BTBD9: variants seen among roughly 807,000 people sequenced by gnomAD.
BTBD9 encodes BTB/POZ domain-containing protein 9.
BTBD9 carries 49 observed loss-of-function variants against 64.3 expected under a neutral mutation model. That is an observed-to-expected ratio of 0.76 (90% confidence interval 0.61 to 0.97). BTBD9 has a LOEUF of 0.97. Ranked by LOEUF, BTBD9 falls within the 50% of genes least tolerant of loss-of-function variation. BTBD9 has a pLI of 0.00. For missense variants in BTBD9, 598 were observed against 762.1 expected (o/e 0.78, Z 2.53); for synonymous variants, 260 against 274.7 (o/e 0.95, Z 0.53).
At chr6:38,581,207 C>G (rs557016767) in intron 4 of BTBD9, among the ~76,000 whole-genome samples, 1 of 152,218 alleles carries the variant, frequency 6.6e-6, no homozygotes, top group African/African-American at 2.4e-5. Flanking sequence ...ACAAAAAAAT[C>G]TACTAAACAA....
intron 6 of BTBD9, among the ~76,000 whole-genome samples, chr6:38,401,147 C>T (rs557115275): frequency 1.1e-4 from 16 of 152,180 alleles, no homozygotes; most frequent in Non-Finnish European, 1.8e-4. Context: ...AGGGAGGGAC[C>T]TGGTGGGAGG....
At chr6:38,486,249 C>T (rs2127386285) in intron 6 of BTBD9, among the ~76,000 whole-genome samples, 1 of 152,334 alleles carries the variant, frequency 6.6e-6, no homozygotes. Flanking sequence ...AAACTTTCTC[C>T]ATATCAGCAA....
intron 6 of BTBD9, among the ~76,000 whole-genome samples, chr6:38,541,860 A>G (rs1774294890): frequency 6.6e-6 from 1 of 152,222 alleles, no homozygotes; most frequent in Non-Finnish European, 1.5e-5. Flanking sequence ...AAAGTCAGCC[A>G]TCTCTTCCAT....
intron 6 of BTBD9, among the ~76,000 whole-genome samples, chr6:38,384,872 G>C (rs1272319835): frequency 6.6e-6 from 1 of 151,856 alleles, no homozygotes; most frequent in Non-Finnish European, 1.5e-5. Flanking sequence ...TAACAACATG[G>C]GGAAAGCAAG....
chr6:38,399,827 C>T (rs748847628), intron 6 of BTBD9, among the ~76,000 whole-genome samples: 5 of 152,164 alleles, frequency 3.3e-5, no homozygotes, highest in Non-Finnish European at 5.9e-5. Context: ...TCTCAGCTCA[C>T]CACAACCTCC....
chr6:38,507,840 T>C (rs927547581), intron 6 of BTBD9, among the ~76,000 whole-genome samples: 1 of 149,864 alleles, frequency 6.7e-6, no homozygotes, highest in African/African-American at 2.5e-5. Context: ...TTTTTTTTTT[T>C]TTTTTTTTTT....
At chr6:38,500,127 AG>A (rs147505805) in intron 6 of BTBD9, among the ~76,000 whole-genome samples, 287 of 152,274 alleles carry the variant, frequency 1.9e-3, no homozygotes, top group African/African-American at 6.6e-3. Flanking sequence ...GAAAATAGAA[AG>A]GTGTCAAAGA....
At chr6:38,604,932 A>C (rs1777378457) in intron 1 of BTBD9, among the ~76,000 whole-genome samples, 3 of 152,302 alleles carry the variant, frequency 2.0e-5, no homozygotes, top group Admixed American at 2.0e-4. Context: ...TCTTAGGCTC[A>C]AGTGCTTTTC....
Position 38,171,867 on chromosome 6 carries a change from AAAAAAAAAAAAAAAATAAT to A in BTBD9, c.*3099_*3117del, listed in dbSNP as rs1384376312. 3 of 114,710 alleles carry A rather than the reference AAAAAAAAAAAAAAAATAAT, an allele frequency of 2.6e-5. No individual in the cohort carries two copies. The highest frequency in any genetic ancestry group is 6.5e-5 in the African/African-American group (2 of 30,902). 7.1% of individuals were successfully genotyped at this position (114,710 alleles called of 1,614,324 possible). On this transcript the variant is annotated 3_prime_UTR_variant, in exon 11 of 11. Coordinates refer to ENST00000481247, the MANE Select transcript of BTBD9 (RefSeq NM_001099272.2). ...CTCTCAAAAAAAAAAAAAAAAAAAA[AAAAAAAAAAAAAAAATAAT>A]AATAATAATAATAATAATAATAATG... is the stretch of plus-strand genomic sequence containing the variant.
intron 6 of BTBD9, among the ~76,000 whole-genome samples, chr6:38,354,569 G>T (rs1764642970): frequency 6.6e-6 from 1 of 152,064 alleles, no homozygotes; most frequent in Non-Finnish European, 1.5e-5. Context: ...GCTTCTTAGA[G>T]AACTACTTGA....
intron 10 of BTBD9, among the ~76,000 whole-genome samples, chr6:38,186,498 A>G (rs1761826776): frequency 6.6e-6 from 1 of 152,206 alleles, no homozygotes; most frequent in Admixed American, 6.5e-5. Context: ...CCTCTTGATA[A>G]TGAAAAGTTG....
intron 7 of BTBD9, among the ~76,000 whole-genome samples, chr6:38,311,297 C>T (rs757203272): frequency 6.6e-4 from 101 of 152,188 alleles, no homozygotes; most frequent in Non-Finnish European, 1.3e-3. Flanking sequence ...TCTCTATCTC[C>T]ATGAGTTCAA....
intron 6 of BTBD9, chr6:38,504,478 C>T: frequency 4.4e-6 from 2 of 453,192 alleles, no homozygotes; most frequent in South Asian, 1.6e-5. Context: ...GAACTTTAGA[C>T]CACATCTCCT....
At chr6:38,369,480 A>G (rs970680232) in intron 6 of BTBD9, among the ~76,000 whole-genome samples, 6 of 152,014 alleles carry the variant, frequency 3.9e-5, no homozygotes, top group African/African-American at 1.4e-4. Flanking sequence ...AGGACAGTTC[A>G]CTCTAGACGT....
intron 7 of BTBD9, among the ~76,000 whole-genome samples, chr6:38,300,471 T>C (rs1458630675): frequency 1.3e-5 from 2 of 152,246 alleles, no homozygotes; most frequent in African/African-American, 2.4e-5. Flanking sequence ...TTTCACGATA[T>C]TGATTCTTCC....
intron 10 of BTBD9, among the ~76,000 whole-genome samples, chr6:38,191,508 G>C (rs1762072793): frequency 6.6e-6 from 1 of 152,156 alleles, no homozygotes. Flanking sequence ...GTGCTCCCTC[G>C]GGCACAGGGA....
intron 6 of BTBD9, among the ~76,000 whole-genome samples, chr6:38,492,985 C>A (rs1365038732): frequency 2.6e-5 from 4 of 151,932 alleles, no homozygotes; most frequent in Non-Finnish European, 5.9e-5. Flanking sequence ...CATTTTTAAC[C>A]CTTAAAAAAT....
chr6:38,486,412 T>C, intron 6 of BTBD9, among the ~76,000 whole-genome samples: 1 of 152,226 alleles, frequency 6.6e-6, no homozygotes, highest in East Asian at 1.9e-4. Flanking sequence ...TTCACTAAGC[T>C]TAATCATTTC....
intron 6 of BTBD9, among the ~76,000 whole-genome samples, chr6:38,518,919 A>G (rs1262113776): frequency 1.3e-5 from 2 of 152,228 alleles, no homozygotes; most frequent in African/African-American, 4.8e-5. Context: ...ACAATTGGGA[A>G]AAAAGTGATA....
Sources: gnomAD v4.1 joint callset for allele counts (sites outside exome capture counted in the v4.1 genomes callset) on GRCh38, gnomAD v4.1.1 for gene constraint, MANE v1.5 for transcripts, NCBI Gene and HGNC (gene_info 2026-07-23, HGNC 2026-07-21) for gene names.